SPRY3: variants seen among roughly 807,000 people sequenced by gnomAD.
The protein encoded by SPRY3 is sprouty RTK signaling antagonist 3, also known as protein sprouty homolog 3.
A neutral mutation model predicts 20.2 loss-of-function variants in SPRY3; 15 were observed. The ratio of observed to expected loss-of-function variants is 0.74; its 90% CI spans 0.50 to 1.14. The LOEUF (loss-of-function observed/expected upper bound fraction) is 1.14, where lower values mean the gene tolerates loss of function less well. Among genes scored for constraint, SPRY3 ranks in the 50% most tolerant of loss-of-function variants. The pLI, the probability that SPRY3 is intolerant of heterozygous loss-of-function variation, is 0.00. For missense variants in SPRY3, 364 were observed against 363.9 expected, an observed-to-expected ratio of 1.00 and a Z score of 0.00; for synonymous variants, 143 against 136.5, an observed-to-expected ratio of 1.05 and a Z score of -0.33.
At chrX:155,736,417 C>G (rs1248324114) in intron 2 of SPRY3, among the ~76,000 whole-genome samples, 1 of 151,780 alleles carries the variant, frequency 6.6e-6, no homozygotes, top group Non-Finnish European at 1.5e-5. Context: ...ATGAGAAAGT[C>G]TTTATTTCTC....
chrX:155,680,350 A>G (rs1267829475), intron 2 of SPRY3, among the ~76,000 whole-genome samples: 1 of 109,972 alleles, frequency 9.1e-6, no homozygotes, highest in African/African-American at 3.3e-5. Context: ...TAAAATCACC[A>G]TGAGAGAATG....
rs35093714 is a variant in SPRY3, at chrX:155,773,765, G to A, written c.-106-1G>A. 1 of 1,336,058 alleles carries A rather than the reference G, an allele frequency of 7.5e-7. No individual in the cohort carries two copies. Among genetic ancestry groups the A allele is most frequent in the Non-Finnish European group, 1.0e-6 (1 of 967,312 alleles). 82.8% of individuals were successfully genotyped at this position (1,336,058 alleles called of 1,614,324 possible). On this transcript the variant is annotated splice_acceptor_variant, in intron 3 of 3. Transcript: ENST00000675360. LOFTEE classifies it low-confidence loss of function (5UTR_SPLICE). ...TACTGTTTTTATGCCTTCTCTCCTA[G>A]GATTTTCTCATGTGCCCTGAAATCC...
downstream of SPRY3, chrX:155,779,701 G>A (rs899131926): frequency 1.8e-5 from 3 of 166,904 alleles, no homozygotes; most frequent in Admixed American, 6.5e-5. Flanking sequence ...GCTAAACAAG[G>A]TATTCTGTAA....
intron 1 of SPRY3, among the ~76,000 whole-genome samples, chrX:155,629,261 G>GT (rs782043011): frequency 3.7e-4 from 39 of 104,700 alleles, no homozygotes; most frequent in Non-Finnish European, 6.6e-4. Flanking sequence ...GCAGTGTTTG[G>GT]TTTTCTGTCC....
At chrX:155,744,518 C>T (rs2091216941) in intron 2 of SPRY3, among the ~76,000 whole-genome samples, 2 of 152,040 alleles carry the variant, frequency 1.3e-5, no homozygotes, top group African/African-American at 4.8e-5. Flanking sequence ...ACTTCGGATT[C>T]CAAACGGGAA....
chrX:155,685,507 CACCCAGGTATTAAGCCTAGT>C (rs1399558709), intron 2 of SPRY3, among the ~76,000 whole-genome samples: 4 of 107,094 alleles, frequency 3.7e-5, no homozygotes, highest in African/African-American at 1.4e-4. Flanking sequence ...ATTATTTCCT[CACCCAGGTATTAAGCCTAGT>C]ACCCATGAGT....
chrX:155,725,526 C>T (rs988621012), intron 2 of SPRY3, among the ~76,000 whole-genome samples: 10 of 152,188 alleles, frequency 6.6e-5, no homozygotes, highest in African/African-American at 2.4e-4. Flanking sequence ...AGAGATTCAA[C>T]TTCTTCCTGA....
chrX:155,651,031 A>G (rs2067975719), intron 1 of SPRY3, among the ~76,000 whole-genome samples: 1 of 110,507 alleles, frequency 9.0e-6, no homozygotes, highest in African/African-American at 3.3e-5. Flanking sequence ...CCAACAATGT[A>G]TCAGTGATCC....
intron 1 of SPRY3, among the ~76,000 whole-genome samples, chrX:155,613,801 T>C (rs1246222854): frequency 4.5e-5 from 5 of 110,930 alleles, no homozygotes; most frequent in Non-Finnish European, 9.5e-5. Context: ...TAAGTTTGTA[T>C]ATTTTTTTTC....
intron 1 of SPRY3, among the ~76,000 whole-genome samples, chrX:155,637,787 T>G (rs2067928268): frequency 9.0e-6 from 1 of 111,459 alleles, no homozygotes; most frequent in South Asian, 3.7e-4. Context: ...TTTTGCATTT[T>G]TATTTTTCCA....
chrX:155,689,275 A>G (rs2068096881), intron 2 of SPRY3, among the ~76,000 whole-genome samples: 1 of 86,636 alleles, frequency 1.2e-5, no homozygotes, highest in East Asian at 3.4e-4. Flanking sequence ...ATCCTGAGTT[A>G]ATTTTTGTAT....
intron 1 of SPRY3, among the ~76,000 whole-genome samples, chrX:155,616,341 A>C (rs892246257): frequency 9.1e-6 from 1 of 110,310 alleles, no homozygotes; most frequent in Admixed American, 9.7e-5. Context: ...CTGAAAAGCA[A>C]ATCTACAGAT....
At chrX:155,751,928 TAAAATAAAATAAAATAA>T (rs946494279) in intron 2 of SPRY3, among the ~76,000 whole-genome samples, 3 of 21,982 alleles carry the variant, frequency 1.4e-4, no homozygotes, top group African/African-American at 9.2e-4. Context: ...GGAAGGGAAA[TAAAATAAAATAAAATAA>T]AATAAAATAA....
intron 1 of SPRY3, among the ~76,000 whole-genome samples, chrX:155,632,245 A>G (rs1047867817): frequency 1.8e-5 from 2 of 109,723 alleles, no homozygotes; most frequent in Non-Finnish European, 3.8e-5. Context: ...ACACACACAC[A>G]CGCACACACA....
At chrX:155,763,293 C>G (rs1309647968) in intron 2 of SPRY3, among the ~76,000 whole-genome samples, 1 of 152,058 alleles carries the variant, frequency 6.6e-6, no homozygotes, top group Non-Finnish European at 1.5e-5. Flanking sequence ...CTGACCTCCC[C>G]CTTCCAACTT....
At chrX:155,774,533 G>C (rs748214599) in exon 4 of SPRY3, 1 of 1,613,944 alleles carries the variant, frequency 6.2e-7, no homozygotes, top group Non-Finnish European at 8.5e-7. Flanking sequence ...TGCTTTGTCC[G>C]CTGGGCAGCC....
intron 2 of SPRY3, among the ~76,000 whole-genome samples, chrX:155,696,920 T>G (rs1745839846): frequency 8.9e-6 from 1 of 112,047 alleles, no homozygotes; most frequent in Non-Finnish European, 1.9e-5. Context: ...ACCTTTTAAG[T>G]ATATCTTAAG....
At chrX:155,683,111 A>G (rs1412793300) in intron 2 of SPRY3, among the ~76,000 whole-genome samples, 2 of 112,207 alleles carry the variant, frequency 1.8e-5, no homozygotes, top group Non-Finnish European at 3.8e-5. Flanking sequence ...GATGGAATCT[A>G]CTCCTGGTAA....
At chrX:155,749,728 G>A (rs954179777) in intron 2 of SPRY3, among the ~76,000 whole-genome samples, 4 of 151,680 alleles carry the variant, frequency 2.6e-5, no homozygotes, top group African/African-American at 4.8e-5. Flanking sequence ...TTTTGCCTGG[G>A]GAACTAGAAT....
Sources: allele counts gnomAD v4.1 joint callset (sites outside exome capture counted in the v4.1 genomes callset), GRCh38; gene constraint gnomAD v4.1.1; transcripts MANE v1.5; gene names NCBI Gene and HGNC (gene_info 2026-07-23, HGNC 2026-07-21).